GFM1: variants seen among roughly 807,000 people sequenced by gnomAD.
The protein encoded by GFM1 is G elongation factor mitochondrial 1.
A neutral mutation model predicts 96.2 loss-of-function variants in GFM1; 62 were observed. The observed-to-expected ratio is 0.64, with a 90% CI of 0.53 to 0.80. The LOEUF (loss-of-function observed/expected upper bound fraction) is 0.80. Ranked by LOEUF, GFM1 falls within the 30% of genes least tolerant of loss-of-function variation. The pLI, the probability that GFM1 is intolerant of heterozygous loss-of-function variation, is 0.00. For missense variants in GFM1, 852 were observed against 916.6 expected, an observed-to-expected ratio of 0.93 and a Z score of 0.91; for synonymous variants, 282 against 312.9, an observed-to-expected ratio of 0.90 and a Z score of 1.04.
rs143453812 is a variant in GFM1, at chr3:158,667,757, C to T, written c.1601+1371C>T. ...GAGCCATGATCACACTAATGCACTC[C>T]AGCCTGGGCAACAGAGTGAAACCCT... is the stretch of plus-strand genomic sequence containing the variant. On this transcript the variant is annotated intron_variant, in intron 13 of 17. Transcript: ENST00000486715. Among the ~76,000 whole-genome samples the T allele has an allele frequency of 3.7e-3, 558 of 152,270 alleles. 3 individuals are homozygous for T. Among genetic ancestry groups the T allele is most frequent in the African/African-American group, 0.013 (541 of 41,538 alleles).
Position 158,658,955 on chromosome 3 carries a change from A to G in GFM1, c.1117A>G (p.Ser373Gly). ...ATTTGGACAATTAACTTATGTTCGC[A>G]GTTATCAGGGAGAGCTAAAGAAGGG... ...GRFGQLTYVR[S>G]YQGELKKGDT... is the part of the protein sequence containing the mutation. Residue 373 changes from serine (S) to glycine (G), a missense_variant, in exon 9 of 18, where the codon AGT becomes GGT. By Grantham distance (56) the Ser-to-Gly change is moderately conservative. Coordinates refer to ENST00000486715, the MANE Select transcript of GFM1 (RefSeq NM_024996.7). The G allele has an allele frequency of 6.2e-7, 1 of 1,614,156 alleles. No homozygotes were observed. The highest frequency in any genetic ancestry group is 8.5e-7 in the Non-Finnish European group (1 of 1,180,004).
Position 158,649,096 on chromosome 3 carries a change from A to G in GFM1, c.628A>G (p.Asn210Asp), listed in dbSNP as rs1188899883. 14 of 1,580,066 alleles carry G rather than the reference A, an allele frequency of 8.9e-6. No homozygotes were observed. Among genetic ancestry groups the G allele is most frequent in the African/African-American group, 2.7e-5 (2 of 74,040 alleles). The stretch of plus-strand genomic sequence containing the variant: ...GCAGATACCCATGGGTTTGGAGGGT[A>G]ATTTTAAAGGTATTGTAGATCTTAT... Reference protein sequence around the residue: ...FMQIPMGLEGNFKGIVDLIEE... With the variant: ...FMQIPMGLEGDFKGIVDLIEE... Residue 210 changes from asparagine (N) to aspartate (D), a missense_variant, in exon 5 of 18, where the codon AAT becomes GAT. Transcript: ENST00000486715.
Position 158,691,241 on chromosome 3 carries a change from C to G in GFM1, c.2124+49C>G, listed in dbSNP as rs377218453. The stretch of plus-strand genomic sequence containing the variant: ...TCAAAAGACCACCCTACAGAATGAT[C>G]ATATTATAAAATCTTGACCTTGTAT... On this transcript the variant is annotated intron_variant, in intron 17 of 17. Transcript: ENST00000486715. 1.4e-5 allele frequency: 23 copies of G among 1,601,970 alleles called. No homozygotes were observed. The African/African-American group carries it at 2.8e-4, about 20-fold the overall frequency.
At chr3:158,688,832 G>C (rs1490337680) in intron 15 of GFM1, among the ~76,000 whole-genome samples, 1 of 152,120 alleles carries the variant, frequency 6.6e-6, no homozygotes, top group Non-Finnish European at 1.5e-5. Context: ...GAGGAGGGTA[G>C]GTGTGAGCTA....
intron 13 of GFM1, chr3:158,672,666 A>T: frequency 1.7e-6 from 1 of 602,650 alleles, no homozygotes; most frequent in South Asian, 1.9e-5. Flanking sequence ...GGCTCCCTGC[A>T]TCCGAGAGCC....
chr3:158,662,612 T>C lies in GFM1; in HGVS notation c.1324-16T>C. 2 of 1,530,976 alleles carry C rather than the reference T, an allele frequency of 1.3e-6. No homozygotes were observed. Among genetic ancestry groups the C allele is most frequent in the Non-Finnish European group, 1.8e-6 (2 of 1,105,342 alleles). 94.8% of individuals were successfully genotyped at this position (1,530,976 alleles called of 1,614,324 possible). On this transcript the variant is annotated splice_polypyrimidine_tract_variant and intron_variant, in intron 10 of 17. Coordinates refer to ENST00000486715, the MANE Select transcript of GFM1 (RefSeq NM_024996.7). ...TGTTTTTTAATTCTTCTGTTTTCTT[T>C]TAAAAAATATTTTAGGAGTCAATTC...
At chr3:158,689,126 A>G (rs12496174) in intron 15 of GFM1, among the ~76,000 whole-genome samples, 87,953 of 152,046 alleles carry the variant, frequency 0.58, 26,264 homozygotes, top group African/African-American at 0.73. Flanking sequence ...TCCAAATTAA[A>G]TGTAAATGTT....
At chr3:158,690,367 A>G (rs1261109756) in intron 16 of GFM1, 44 bp downstream of exon 16, 2 of 1,580,648 alleles carry the variant, frequency 1.3e-6, no homozygotes, top group African/African-American at 2.7e-5. Flanking sequence ...TATTAACCAT[A>G]GAAGGAAATC....
chr3:158,648,678 C>CAA (rs9331287), intron 4 of GFM1, among the ~76,000 whole-genome samples: 43 of 102,444 alleles, frequency 4.2e-4, no homozygotes, highest in East Asian at 1.0e-3. Context: ...ACTCTTGTCT[C>CAA]AAAAAAAAAA....
intron 5 of GFM1, chr3:158,650,225 A>G: frequency 1.5e-6 from 1 of 656,742 alleles, no homozygotes. Context: ...TCCTTAGGAT[A>G]TAAGGCCCAG....
At chr3:158,683,733 G>C (rs1204289840) in intron 14 of GFM1, among the ~76,000 whole-genome samples, 1 of 152,132 alleles carries the variant, frequency 6.6e-6, no homozygotes, top group African/African-American at 2.4e-5. Context: ...AGATCATGCT[G>C]TCTCTATGAT....
chr3:158,650,995 T>C (rs9863232), intron 5 of GFM1: 58,822 of 135,008 alleles, frequency 0.44, 13,146 homozygotes, highest in African/African-American at 0.62. Flanking sequence ...CACTCCAGCC[T>C]GGGTGACAGA....
At chr3:158,665,578 C>A in intron 12 of GFM1, 104 bp downstream of exon 12, 4 of 962,134 alleles carry the variant, frequency 4.2e-6, no homozygotes, top group Non-Finnish European at 5.0e-6. Context: ...TCTGGTTCTT[C>A]ATGCGTCACT....
At chr3:158,647,377 G>A (rs1307767983) in intron 4 of GFM1, among the ~76,000 whole-genome samples, 1 of 152,098 alleles carries the variant, frequency 6.6e-6, no homozygotes, top group African/African-American at 2.4e-5. Flanking sequence ...GTTTTCAGAC[G>A]GAAACATATT....
intron 12 of GFM1, 47 bp from the exon 13 acceptor site, chr3:158,666,257 C>T (rs752761439): frequency 2.5e-5 from 35 of 1,376,910 alleles, no homozygotes; most frequent in Admixed American, 6.9e-5. Flanking sequence ...GGTTTTCTTT[C>T]GGTTTATTTT....
rs1361061731 is a variant in GFM1 at position 158,690,327 on chromosome 3, A to T, written c.2070+4A>T. The T allele has an allele frequency of 6.2e-7, 1 of 1,613,312 alleles. No individual in the cohort carries two copies. Among genetic ancestry groups the T allele is most frequent in the Non-Finnish European group, 8.5e-7 (1 of 1,179,390 alleles). ...CTATTTTACACTGTATGCAGATGTA[A>T]GTAGTCTTGGTCATTGGCAGTCCTG... On this transcript the variant is annotated splice_donor_region_variant and intron_variant, in intron 16 of 17. Transcript: ENST00000486715.
rs998060574 is a variant in GFM1, at chr3:158,649,103, A to T, written c.635A>T (p.Lys212Ile). 1.3e-6 allele frequency: 2 copies of T among 1,579,290 alleles called. No homozygotes were observed. Among genetic ancestry groups the T allele is most frequent in the African/African-American group, 2.7e-5 (2 of 74,016 alleles). ...CCCATGGGTTTGGAGGGTAATTTTAAAGGTATTGTAGATCTTATTGAGGAA... is the reference window on the plus strand; with the variant it reads ...CCCATGGGTTTGGAGGGTAATTTTATAGGTATTGTAGATCTTATTGAGGAA... The part of the protein sequence containing the change: ...QIPMGLEGNF[K>I]GIVDLIEERA... Residue 212 changes from lysine (K) to isoleucine (I), a missense_variant, in exon 5 of 18, where the codon AAA (lysine) becomes ATA (isoleucine). Lys to Ile is a moderately radical substitution (Grantham distance 102, BLOSUM62 -3). Transcript: ENST00000486715.
Position 158,653,466 on chromosome 3 carries a change from G to C in GFM1, c.997G>C (p.Asp333His). 6.2e-7 allele frequency: 1 copy of C among 1,610,078 alleles called. No homozygotes were observed. Among genetic ancestry groups the C allele is most frequent in the Non-Finnish European group, 8.5e-7 (1 of 1,176,574 alleles). ...GAACTATGCTATTCTCAATAAAGAG[G>C]AGTAAGTCTTGAAAATTGAATCTTA... is the stretch of plus-strand genomic sequence containing the variant. ...VQNYAILNKE[D>H]DSKEKTKILM... The change falls in exon 7 of 18, where the codon GAT (aspartate) becomes CAT (histidine). Residue 333 changes from aspartate to histidine, a missense_variant and splice_region_variant. Transcript: ENST00000486715.
At chr3:158,660,693 AAT>A in intron 9 of GFM1, 179 bp from the exon 10 acceptor site, 1 of 612,268 alleles carries the variant, frequency 1.6e-6, no homozygotes, top group South Asian at 2.0e-5. Flanking sequence ...GCCTTTTAAA[AAT>A]ACGTCTTAGC....
Sources: allele counts gnomAD v4.1 joint callset (sites outside exome capture counted in the v4.1 genomes callset), GRCh38; gene constraint gnomAD v4.1.1; transcripts MANE v1.5; gene names NCBI Gene and HGNC (gene_info 2026-07-23, HGNC 2026-07-21).